SNRPA: variants seen among roughly 807,000 people sequenced by gnomAD.
SNRPA encodes U1 small nuclear ribonucleoprotein A.
Under a neutral mutation model 24.5 loss-of-function variants are expected in SNRPA, and 10 were observed. The ratio of observed to expected loss-of-function variants is 0.41; its 90% confidence interval spans 0.25 to 0.69. The LOEUF (loss-of-function observed/expected upper bound fraction) is 0.69, where lower values mean the gene tolerates loss of function less well. Ranked by LOEUF, SNRPA falls within the 30% of genes least tolerant of loss-of-function variation. The pLI is 0.33. For missense variants in SNRPA, 283 were observed against 394.7 expected (o/e 0.72, Z 2.40); for synonymous variants, 165 against 148.4 (o/e 1.11, Z -0.81).
chr19:40,762,477 A>G (rs1316486163), intron 3 of SNRPA, among the ~76,000 whole-genome samples: 1 of 150,970 alleles, frequency 6.6e-6, no homozygotes, highest in African/African-American at 2.4e-5. Flanking sequence ...TCGGCCTCCC[A>G]AAGTGTTAGG....
At chr19:40,755,257 C>CTTTTTTTTTTTTTTTT (rs1004235207) in intron 1 of SNRPA, among the ~76,000 whole-genome samples, 14 of 82,582 alleles carry the variant, frequency 1.7e-4, no homozygotes, top group Admixed American at 3.1e-4. Context: ...TTTTTCTTTT[C>CTTTTTTTTTTTTTTTT]TTTTTTTTTT....
At chr19:40,753,083 ACTGGCTCACGC>A (rs760114140) in intron 1 of SNRPA, among the ~76,000 whole-genome samples, 12 of 152,150 alleles carry the variant, frequency 7.9e-5, no homozygotes, top group Admixed American at 4.6e-4. Flanking sequence ...GCAGCCGGGC[ACTGGCTCACGC>A]CTGTAATCTC....
chr19:40,763,529 T>A, intron 4 of SNRPA, 58 bp from the exon 5 acceptor site: 1 of 1,323,428 alleles, frequency 7.6e-7, no homozygotes, highest in South Asian at 1.2e-5. Flanking sequence ...GGCAGTACTA[T>A]GGGTCTCCCA....
chr19:40,757,182 G>T, intron 1 of SNRPA, 150 bp from the exon 2 acceptor site: 1 of 668,162 alleles, frequency 1.5e-6, no homozygotes, highest in East Asian at 2.7e-5. Flanking sequence ...CCACTTGAGT[G>T]GTTCCTGGCT....
intron 3 of SNRPA, among the ~76,000 whole-genome samples, chr19:40,761,156 A>G (rs1428585681): frequency 7.3e-5 from 11 of 151,522 alleles, no homozygotes. Context: ...GCAGCAACCA[A>G]CCAGGATGAT....
intron 1 of SNRPA, among the ~76,000 whole-genome samples, chr19:40,753,384 G>GTTTTTTTTTTTTTTTTT (rs746525368): frequency 5.2e-5 from 2 of 38,382 alleles, no homozygotes; most frequent in African/African-American, 1.1e-4. Flanking sequence ...TTTTGCATAT[G>GTTTTTTTTTTTTTTTTT]TTTTTTTTTT....
intron 3 of SNRPA, among the ~76,000 whole-genome samples, chr19:40,760,515 T>C (rs982478807): frequency 6.6e-6 from 1 of 152,156 alleles, no homozygotes; most frequent in African/African-American, 2.4e-5. Flanking sequence ...TTCAACGTGA[T>C]TGCAATCAAA....
intron 4 of SNRPA, 104 bp downstream of exon 4, chr19:40,763,178 G>GC: frequency 2.5e-6 from 2 of 815,166 alleles, no homozygotes; most frequent in Non-Finnish European, 3.8e-6. Flanking sequence ...GTCTGGGCAG[G>GC]CCCCCTGAGG....
At chr19:40,762,762 C>A in intron 3 of SNRPA, 139 bp from the exon 4 acceptor site, 2 of 756,858 alleles carry the variant, frequency 2.6e-6, no homozygotes, top group Non-Finnish European at 4.3e-6. Flanking sequence ...TTTGCTCTGT[C>A]GGGCCCTCTT....
chr19:40,764,344 C>T (rs766941587), intron 5 of SNRPA, among the ~76,000 whole-genome samples: 1 of 151,808 alleles, frequency 6.6e-6, no homozygotes, highest in East Asian at 1.9e-4. Flanking sequence ...ATAATAGTGC[C>T]GAGAGAAGAT....
At chr19:40,763,705 T>C in intron 5 of SNRPA, 30 bp downstream of exon 5, 1 of 1,553,620 alleles carries the variant, frequency 6.4e-7, no homozygotes, top group East Asian at 2.2e-5. Context: ...GGGTGGTCCC[T>C]GGAGGGTGAT....
chr19:40,758,186 C>T (rs1321961075), intron 2 of SNRPA, among the ~76,000 whole-genome samples: 18 of 151,912 alleles, frequency 1.2e-4, no homozygotes, highest in Non-Finnish European at 2.9e-5. Context: ...AGGCTGGTCT[C>T]AAACTCCTGA....
At chr19:40,757,896 C>A (rs2082915167) in intron 2 of SNRPA, among the ~76,000 whole-genome samples, 1 of 151,428 alleles carries the variant, frequency 6.6e-6, no homozygotes, top group Non-Finnish European at 1.5e-5. Flanking sequence ...GAGCCGAGAT[C>A]CTGCCACTGC....
At chr19:40,761,938 T>C (rs536391961) in intron 3 of SNRPA, among the ~76,000 whole-genome samples, 6 of 152,308 alleles carry the variant, frequency 3.9e-5, no homozygotes, top group South Asian at 2.1e-4. Context: ...TCCGTGTCTC[T>C]CTGGCTTTCA....
chr19:40,757,316 T>C lies in SNRPA; in HGVS notation c.74-16T>C, dbSNP rs908040236. On this transcript the variant is annotated splice_polypyrimidine_tract_variant and intron_variant, in intron 1 of 5. Transcript: ENST00000243563. ...TAAAAAGGGGAGCTCAAAGGTCTTT[T>C]TTTCCCCCACTGCAGAGCTAAAAAA... 6.2e-7 allele frequency: 1 copy of C among 1,613,626 alleles called. No homozygotes were observed. Among genetic ancestry groups the C allele is most frequent in the African/African-American group, 1.3e-5 (1 of 75,006 alleles).
rs760683440 is a variant in SNRPA, at chr19:40,757,319, T to C, written c.74-13T>C. The stretch of plus-strand genomic sequence containing the variant: ...AAAGGGGAGCTCAAAGGTCTTTTTT[T>C]CCCCCACTGCAGAGCTAAAAAAGTC... On this transcript the variant is annotated splice_polypyrimidine_tract_variant and intron_variant, in intron 1 of 5. Coordinates refer to ENST00000243563, the MANE Select transcript of SNRPA (RefSeq NM_004596.5). 3 of 1,613,560 alleles carry C rather than the reference T, an allele frequency of 1.9e-6. No homozygotes were observed. The highest frequency in any genetic ancestry group is 1.7e-4 in the Middle Eastern group (1 of 6,060).
chr19:40,760,492 A>G (rs1186363586), intron 3 of SNRPA, among the ~76,000 whole-genome samples: 4 of 152,216 alleles, frequency 2.6e-5, no homozygotes, highest in Non-Finnish European at 1.5e-5. Context: ...GTTCCATCCA[A>G]ATTAATTGAA....
chr19:40,755,084 C>G (rs571542025), intron 1 of SNRPA, among the ~76,000 whole-genome samples: 1 of 147,026 alleles, frequency 6.8e-6, no homozygotes, highest in East Asian at 2.0e-4. Flanking sequence ...TTCAGCTTAG[C>G]TTTTTTTTTT....
chr19:40,758,156 G>A (rs10153478), intron 2 of SNRPA, among the ~76,000 whole-genome samples: 3,467 of 151,110 alleles, frequency 0.023, 118 homozygotes, highest in African/African-American at 0.077. Context: ...TAGTAGAGAC[G>A]GGGTTTCGCC....
Sources: allele counts gnomAD v4.1 joint callset (sites outside exome capture counted in the v4.1 genomes callset), GRCh38; gene constraint gnomAD v4.1.1; transcripts MANE v1.5; gene names NCBI Gene and HGNC (gene_info 2026-07-23, HGNC 2026-07-21).